Variants in GALNT13 observed in about 807,000 individuals in gnomAD.
GALNT13 encodes UDP-GalNAc:polypeptide N-acetylgalactosaminyltransferase 13.
In GALNT13, 28 loss-of-function variants were observed where a neutral mutation model predicts 64.2. The observed-to-expected ratio is 0.44, with a 90% confidence interval of 0.32 to 0.60. The LOEUF is 0.60. GALNT13 is among the 20% of genes least tolerant of loss of function. The pLI is 0.05. For missense variants in GALNT13, 577 were observed against 669.8 expected, an observed-to-expected ratio of 0.86 and a Z score of 1.53; for synonymous variants, 214 against 224.6, an observed-to-expected ratio of 0.95 and a Z score of 0.42.
intron 6 of GALNT13, among the ~76,000 whole-genome samples, chr2:154,245,462 T>C (rs2105877383): frequency 6.6e-6 from 1 of 152,314 alleles, no homozygotes; most frequent in Middle Eastern, 3.4e-3. Flanking sequence ...ATGCTATTTC[T>C]TTTCAATGGA....
chr2:153,395,296 G>C, the GALNT13 span, among the ~76,000 whole-genome samples: 1 of 152,158 alleles, frequency 6.6e-6, no homozygotes, highest in African/African-American at 2.4e-5. Flanking sequence ...CAGAGAATGA[G>C]TATTTTGAGG....
chr2:153,202,293 T>C, the GALNT13 span, among the ~76,000 whole-genome samples: 2 of 152,216 alleles, frequency 1.3e-5, no homozygotes, highest in African/African-American at 4.8e-5. Flanking sequence ...CTCAGCCTTT[T>C]ATCTACATAT....
the GALNT13 span, among the ~76,000 whole-genome samples, chr2:153,264,357 A>G: frequency 6.6e-6 from 1 of 152,238 alleles, no homozygotes; most frequent in Non-Finnish European, 1.5e-5. Context: ...AATTAGTTCA[A>G]CCATTGTAGA....
At chr2:154,386,864 G>A (rs572166745) in intron 9 of GALNT13, among the ~76,000 whole-genome samples, 1 of 152,108 alleles carries the variant, frequency 6.6e-6, no homozygotes, top group African/African-American at 2.4e-5. Flanking sequence ...TGAAGTTTGA[G>A]GTAATTGCCT....
chr2:154,282,706 TA>T (rs898307182), intron 8 of GALNT13, among the ~76,000 whole-genome samples: 6 of 152,036 alleles, frequency 3.9e-5, no homozygotes, highest in African/African-American at 7.2e-5. Context: ...ATATTTTGTT[TA>T]AAAAAAACAT....
At chr2:153,612,883 A>G in the GALNT13 span, among the ~76,000 whole-genome samples, 1 of 152,116 alleles carries the variant, frequency 6.6e-6, no homozygotes, top group Non-Finnish European at 1.5e-5. Flanking sequence ...ATTTCTCTTT[A>G]TCTTCATTTT....
the GALNT13 span, among the ~76,000 whole-genome samples, chr2:153,667,961 G>T: frequency 1.3e-5 from 2 of 151,842 alleles, no homozygotes; most frequent in Non-Finnish European, 2.9e-5. Context: ...AAAAAAGCAG[G>T]GGTTGCTATT....
intron 3 of GALNT13, among the ~76,000 whole-genome samples, chr2:154,060,458 C>G (rs1461816859): frequency 6.6e-6 from 1 of 152,088 alleles, no homozygotes; most frequent in Non-Finnish European, 1.5e-5. Flanking sequence ...CAGATTCAAA[C>G]GATTCTCCTG....
chr2:153,403,181 C>T, the GALNT13 span, among the ~76,000 whole-genome samples: 4 of 150,262 alleles, frequency 2.7e-5, no homozygotes, highest in Admixed American at 2.6e-4. Context: ...GTTGGAGTAC[C>T]CTGCCGTGTG....
chr2:153,577,900 CTT>C, the GALNT13 span, among the ~76,000 whole-genome samples: 2 of 150,192 alleles, frequency 1.3e-5, no homozygotes, highest in South Asian at 4.2e-4. Context: ...CAGTTTGTGT[CTT>C]TATATATATA....
chr2:154,287,044 G>A, intron 8 of GALNT13: 3 of 665,926 alleles, frequency 4.5e-6, no homozygotes, highest in Admixed American at 2.0e-5. Context: ...GCAGGTGAGT[G>A]ATGACCTTAC....
At chr2:153,624,700 T>C in the GALNT13 span, among the ~76,000 whole-genome samples, 34 of 152,100 alleles carry the variant, frequency 2.2e-4, no homozygotes, top group African/African-American at 7.7e-4. Flanking sequence ...ATGCCCACTT[T>C]AGAAAATAGC....
At chr2:153,871,670 T>C (rs1574009025), upstream of GALNT13, among the ~76,000 whole-genome samples, 1 of 152,274 alleles carries the variant, frequency 6.6e-6, no homozygotes, top group Non-Finnish European at 1.5e-5. Flanking sequence ...CTGCCAAGTA[T>C]CGCGGGACTT....
chr2:153,895,796 G>A (rs1383013809), intron 1 of GALNT13, among the ~76,000 whole-genome samples: 1 of 151,812 alleles, frequency 6.6e-6, no homozygotes, highest in Non-Finnish European at 1.5e-5. Flanking sequence ...TCACGCTGTG[G>A]CAGAAGATAT....
the GALNT13 span, among the ~76,000 whole-genome samples, chr2:153,805,670 T>C: frequency 2.0e-5 from 3 of 152,180 alleles, no homozygotes; most frequent in East Asian, 5.8e-4. Flanking sequence ...ATTATAGGAA[T>C]AATATATGTA....
intron 3 of GALNT13, among the ~76,000 whole-genome samples, chr2:153,953,439 T>C (rs1692341500): frequency 2.0e-5 from 3 of 152,104 alleles, no homozygotes; most frequent in Admixed American, 2.0e-4. Context: ...GTTGGCATTA[T>C]TATTATTATT....
rs1703261223 is a variant in GALNT13 at position 154,115,725 on chromosome 2, A to G, written c.143-24612A>G. ...TGTGAGCCACCATGCCCGGCCTATT[A>G]GAATTTATTTTTAACTTCCCGATCT... On this transcript the variant is annotated intron_variant, in intron 3 of 12. Coordinates refer to ENST00000392825, the MANE Select transcript of GALNT13 (RefSeq NM_052917.4). Among the ~76,000 whole-genome samples, 2 of 152,032 alleles carry G rather than the reference A, an allele frequency of 1.3e-5. 1 individual carries two copies. The highest frequency in any genetic ancestry group is 4.1e-4 in the South Asian group (2 of 4,828).
the GALNT13 span, among the ~76,000 whole-genome samples, chr2:153,182,877 A>C: frequency 6.6e-6 from 1 of 152,312 alleles, no homozygotes; most frequent in Non-Finnish European, 1.5e-5. Context: ...GAGCATTTAC[A>C]TTGATTCCAT....
chr2:153,626,221 A>C, the GALNT13 span, among the ~76,000 whole-genome samples: 9 of 152,244 alleles, frequency 5.9e-5, no homozygotes, highest in African/African-American at 1.7e-4. Context: ...CATGGAGTAC[A>C]CATAAGGTGA....
Sources: allele counts gnomAD v4.1 joint callset (sites outside exome capture counted in the v4.1 genomes callset), GRCh38; gene constraint gnomAD v4.1.1; transcripts MANE v1.5; gene names NCBI Gene and HGNC (gene_info 2026-07-23, HGNC 2026-07-21).